The following NPLOC4 variants were observed in gnomAD, a reference collection of about 807,000 sequenced individuals.
NPLOC4 encodes NPL4 homolog, ubiquitin recognition factor.
NPLOC4 carries 18 observed loss-of-function variants against 80.6 expected under a neutral mutation model. The observed-to-expected ratio is 0.22, with a 90% confidence interval of 0.15 to 0.33. The LOEUF (loss-of-function observed/expected upper bound fraction) is 0.33. Ranked by LOEUF, NPLOC4 falls within the 10% of genes least tolerant of loss-of-function variation. The pLI, the probability that NPLOC4 is intolerant of heterozygous loss-of-function variation, is 1.00. For synonymous variants in NPLOC4, 313 were observed against 301.5 expected (o/e 1.04, Z -0.39); for missense variants, 540 against 786.1 (o/e 0.69, Z 3.74).
intron 3 of NPLOC4, among the ~76,000 whole-genome samples, chr17:81,615,707 G>C (rs76461600): frequency 6.6e-6 from 1 of 152,128 alleles, no homozygotes; most frequent in Admixed American, 6.6e-5. Flanking sequence ...CTGCCCAGAG[G>C]GGGCAGCTGA....
At chr17:81,634,642 G>A (rs1414299355) in intron 1 of NPLOC4, among the ~76,000 whole-genome samples, 1 of 150,204 alleles carries the variant, frequency 6.7e-6, no homozygotes, top group Non-Finnish European at 1.5e-5. Context: ...CTGGAGTGCA[G>A]TGGCGCAATC....
chr17:81,606,969 G>C (rs2035220018), intron 6 of NPLOC4, among the ~76,000 whole-genome samples, 155 bp from the exon 7 acceptor site: 1 of 152,134 alleles, frequency 6.6e-6, no homozygotes, highest in Non-Finnish European at 1.5e-5. Context: ...TGATTCTAAT[G>C]GAAGCTCTAC....
chr17:81,615,716 G>A (rs1286617249), intron 3 of NPLOC4, among the ~76,000 whole-genome samples: 1 of 152,170 alleles, frequency 6.6e-6, no homozygotes, highest in African/African-American at 2.4e-5. Flanking sequence ...GGGGGCAGCT[G>A]AGTCCGAAAC....
At chr17:81,592,295 C>T (rs956583046) in intron 11 of NPLOC4, among the ~76,000 whole-genome samples, 4 of 152,152 alleles carry the variant, frequency 2.6e-5, no homozygotes, top group African/African-American at 9.7e-5. Context: ...AACCCTAACA[C>T]AGGGGAAAGA....
At chr17:81,628,054 T>C (rs1359698187) in intron 2 of NPLOC4, among the ~76,000 whole-genome samples, 2 of 145,618 alleles carry the variant, frequency 1.4e-5, no homozygotes, top group Non-Finnish European at 3.0e-5. Context: ...CTACTAAAAA[T>C]ACAAAAAATT....
At chr17:81,584,302 C>T (rs1002730800) in intron 12 of NPLOC4, among the ~76,000 whole-genome samples, 1 of 152,132 alleles carries the variant, frequency 6.6e-6, no homozygotes, top group African/African-American at 2.4e-5. Context: ...CCTATTCTCG[C>T]TAACAGAGGG....
chr17:81,570,111 G>A (rs968173094), intron 13 of NPLOC4, among the ~76,000 whole-genome samples: 2 of 152,238 alleles, frequency 1.3e-5, no homozygotes, highest in South Asian at 2.1e-4. Flanking sequence ...CTGTGCCAGC[G>A]CCAGCCGCTG....
At chr17:81,578,431 G>C (rs2034357351) in intron 12 of NPLOC4, among the ~76,000 whole-genome samples, 1 of 152,204 alleles carries the variant, frequency 6.6e-6, no homozygotes, top group Non-Finnish European at 1.5e-5. Flanking sequence ...CCTAACACCT[G>C]ACCCACGGGA....
chr17:81,610,444 TCACTCTATCGCCCAGG>T (rs2035311046), intron 4 of NPLOC4, among the ~76,000 whole-genome samples, 186 bp from the exon 5 acceptor site: 1 of 152,208 alleles, frequency 6.6e-6, no homozygotes. Flanking sequence ...AGACAGGCTC[TCACTCTATCGCCCAGG>T]CTGGAGTGCA....
intron 7 of NPLOC4, among the ~76,000 whole-genome samples, chr17:81,605,292 AT>A (rs60044674): frequency 0.26 from 34,870 of 135,892 alleles, 5,225 homozygotes; most frequent in Non-Finnish European, 0.36. Context: ...AAAAAAAAAA[AT>A]AAATAATAAT....
chr17:81,602,476 G>A (rs1199003246), intron 8 of NPLOC4, among the ~76,000 whole-genome samples: 1 of 151,960 alleles, frequency 6.6e-6, no homozygotes, highest in African/African-American at 2.4e-5. Context: ...AGGCTGAGGC[G>A]GGTGGATCAC....
Position 81,570,186 on chromosome 17 carries a change from G to A in NPLOC4, c.1354-1075C>T, listed in dbSNP as rs566778231. On this transcript the variant is annotated intron_variant, in intron 13 of 16. Coordinates refer to ENST00000331134, the MANE Select transcript of NPLOC4 (RefSeq NM_017921.4). ...AGCTGGCCCTTCATGGGCAAGCGGCGGGGTGGGTCATGAAGACTCGGGCCG... is the reference window on the plus strand; with the variant it reads ...AGCTGGCCCTTCATGGGCAAGCGGCAGGGTGGGTCATGAAGACTCGGGCCG... 9.8e-5 allele frequency among the ~76,000 whole-genome samples: 15 copies of A among 152,362 alleles called. No homozygotes were observed. In the East Asian group the frequency reaches 2.1e-3, roughly 22 times the overall value.
Position 81,567,450 on chromosome 17 carries a change from C to G in NPLOC4, c.1533G>C (p.Leu511=), listed in dbSNP as rs772545323. Residue 511 remains leucine (L), a synonymous_variant, in exon 15 of 17, where the codon CTG becomes CTC. Transcript: ENST00000331134. This position sits in a 1 kb window ranked among gnomAD's most constrained non-coding sequence, Gnocchi z 4.5. ...LDTISDFHLL[L]FLVTNEVMPL... ...GCATAACTTCATTGGTGACCAGGAA[C>G]AGCAAGAGGTGGAAATCTGAGATGG... 1 of 1,613,322 alleles carries G rather than the reference C, an allele frequency of 6.2e-7. No homozygotes were observed. Among genetic ancestry groups the G allele is most frequent in the Non-Finnish European group, 8.5e-7 (1 of 1,179,438 alleles).
chr17:81,563,807 G>A (rs1184288322), intron 16 of NPLOC4: 4 of 376,562 alleles, frequency 1.1e-5, no homozygotes, highest in Non-Finnish European at 2.1e-5. Context: ...GTCCTTTGCA[G>A]CAACATGGAT....
chr17:81,597,155 C>T, intron 10 of NPLOC4, 90 bp downstream of exon 10: 1 of 872,424 alleles, frequency 1.1e-6, no homozygotes, highest in Non-Finnish European at 1.9e-6. Context: ...AAAGCTAGAA[C>T]CAGCGGTGCA....
intron 1 of NPLOC4, among the ~76,000 whole-genome samples, chr17:81,636,166 T>C (rs1357515135): frequency 6.6e-6 from 1 of 152,094 alleles, no homozygotes; most frequent in Non-Finnish European, 1.5e-5. Context: ...AGACAAGATT[T>C]TGCCATGTTG....
In NPLOC4 at chr17:81,558,088, G is replaced by C. The variant is rs1317877752; in HGVS notation, c.*1171C>G. 2 of 152,450 alleles carry C rather than the reference G, an allele frequency of 1.3e-5. No individual in the cohort carries two copies. Among genetic ancestry groups the C allele is most frequent in the Non-Finnish European group, 2.9e-5 (2 of 68,222 alleles). The allele number at this position is 152,450 out of a possible 1,614,324, so 9.4% of individuals were successfully genotyped here. A position where few individuals can be genotyped will look rare whatever the true frequency, so the allele number is the denominator to read the frequency against. The stretch of plus-strand genomic sequence containing the variant: ...GATGCCCACCACTCCCCGGGTAAGA[G>C]CCATGCCCCGGCCTGGCCACGCCAC... On this transcript the variant is annotated 3_prime_UTR_variant, in exon 17 of 17. Transcript: ENST00000331134.
intron 1 of NPLOC4, among the ~76,000 whole-genome samples, chr17:81,630,503 G>C (rs910474728): frequency 1.3e-5 from 2 of 152,020 alleles, no homozygotes; most frequent in African/African-American, 4.8e-5. Context: ...CTGATCTCGA[G>C]CTCCGGGGCT....
chr17:81,591,440 T>A (rs1227385185), intron 11 of NPLOC4, among the ~76,000 whole-genome samples: 43 of 11,882 alleles, frequency 3.6e-3, no homozygotes, highest in Admixed American at 5.0e-3. Context: ...ATCTCTGGAG[T>A]AAAACAGAAA....
Sources: gnomAD v4.1 joint callset for allele counts (sites outside exome capture counted in the v4.1 genomes callset) on GRCh38, gnomAD v4.1.1 for gene constraint, Gnocchi (gnomAD v3.1) non-coding constraint, MANE v1.5 for transcripts, NCBI Gene and HGNC (gene_info 2026-07-23, HGNC 2026-07-21) for gene names.